Variants in PHF2 observed in about 807,000 individuals in gnomAD.
PHF2 encodes PHD finger protein 2.
Under a neutral mutation model 120.5 loss-of-function variants are expected in PHF2, and 27 were observed. The ratio of observed to expected loss-of-function variants is 0.22; its 90% CI spans 0.17 to 0.31. The LOEUF (loss-of-function observed/expected upper bound fraction) is 0.31, where lower values mean the gene tolerates loss of function less well. Ranked by LOEUF, PHF2 falls within the 10% of genes least tolerant of loss-of-function variation. PHF2 has a pLI of 1.00. For missense variants in PHF2, 1,024 were observed against 1,434.8 expected, an observed-to-expected ratio of 0.71 and a Z score of 4.63; for synonymous variants, 568 against 592.5, an observed-to-expected ratio of 0.96 and a Z score of 0.60.
At chr9:93,662,043 G>GTGAGTGGATGGA (rs552196387) in intron 12 of PHF2, among the ~76,000 whole-genome samples, 4 of 151,198 alleles carry the variant, frequency 2.6e-5, no homozygotes, top group African/African-American at 9.7e-5. Flanking sequence ...TCAACAAATG[G>GTGAGTGGATGGA]TGAGTGGATG....
chr9:93,639,932 A>G (rs932645731), intron 3 of PHF2, among the ~76,000 whole-genome samples: 4 of 152,220 alleles, frequency 2.6e-5, no homozygotes, highest in South Asian at 4.1e-4. Flanking sequence ...TCTTGGTCCA[A>G]ATATCACAGA....
intron 2 of PHF2, among the ~76,000 whole-genome samples, chr9:93,631,566 G>A (rs1826002380): frequency 6.6e-6 from 1 of 152,208 alleles, no homozygotes; most frequent in Admixed American, 6.5e-5. Flanking sequence ...GGGTAGGAAG[G>A]TTCAGCCCAG....
intron 1 of PHF2, among the ~76,000 whole-genome samples, chr9:93,629,655 C>A (rs1196961556): frequency 3.9e-5 from 6 of 152,192 alleles, no homozygotes; most frequent in African/African-American, 1.4e-4. Flanking sequence ...TCCTTCCCTG[C>A]CCCCTGGGTG....
At position 93,678,416 on chromosome 9, in the gene PHF2, A is replaced by G. The variant is rs1382177608; in HGVS notation, c.*740A>G. The stretch of plus-strand genomic sequence containing the variant: ...GGGTCTGGGAGGCCCAGGCTAAGCC[A>G]TGTGGCAGGGACCGTCTTGCCCTGC... On this transcript the variant is annotated 3_prime_UTR_variant, in exon 22 of 22. Coordinates refer to ENST00000359246, the MANE Select transcript of PHF2 (RefSeq NM_005392.4). 1 of 152,614 alleles carries G rather than the reference A, an allele frequency of 6.6e-6. No individual in the cohort carries two copies. The highest frequency in any genetic ancestry group is 1.5e-5 in the Non-Finnish European group (1 of 68,086). 9.5% of individuals were successfully genotyped at this position (152,614 alleles called of 1,614,324 possible). A position where few individuals can be genotyped will look rare whatever the true frequency, so the allele number is the denominator to read the frequency against.
intron 1 of PHF2, among the ~76,000 whole-genome samples, chr9:93,593,105 A>AAAAAAAAAAAAAAAAAAAAAAAGG (rs1554790887): frequency 1.6e-5 from 2 of 122,716 alleles, no homozygotes; most frequent in African/African-American, 3.3e-5. Context: ...AAAAAAAAAA[A>AAAAAAAAAAAAAAAAAAAAAAAGG]AAAAAAGAAA....
In PHF2 at chr9:93,625,334, A is replaced by G. The variant is rs185440685; in HGVS notation, c.99-4636A>G. On this transcript the variant is annotated intron_variant, in intron 1 of 21. Coordinates refer to ENST00000359246, the MANE Select transcript of PHF2 (RefSeq NM_005392.4). ...CCTCATTCCTTTTTAAGGCTGAATA[A>G]TATTCCATTGTATATACAGACTACA... Among the ~76,000 whole-genome samples, 290 of 152,342 alleles carry G rather than the reference A, an allele frequency of 1.9e-3. 2 individuals carry two copies. The highest frequency in any genetic ancestry group is 6.6e-3 in the African/African-American group (275 of 41,576).
chr9:93,644,449 G>A (rs1008739548), intron 3 of PHF2, among the ~76,000 whole-genome samples: 4 of 151,572 alleles, frequency 2.6e-5, no homozygotes, highest in South Asian at 2.1e-4. Context: ...GAATTCTGGC[G>A]GCTCCCAGTG....
chr9:93,646,571 C>T (rs777926998), intron 4 of PHF2, among the ~76,000 whole-genome samples: 6 of 152,204 alleles, frequency 3.9e-5, no homozygotes, highest in Non-Finnish European at 8.8e-5. Context: ...GCTTCCGAGA[C>T]GACTGGCCCC....
chr9:93,644,061 A>G (rs549797236), intron 3 of PHF2, among the ~76,000 whole-genome samples: 1 of 151,988 alleles, frequency 6.6e-6, no homozygotes, highest in African/African-American at 2.4e-5. Context: ...GCAATGGACA[A>G]CCCGCAGACT....
chr9:93,590,262 C>T (rs1336769830), intron 1 of PHF2, among the ~76,000 whole-genome samples: 3 of 152,246 alleles, frequency 2.0e-5, no homozygotes, highest in African/African-American at 7.2e-5. Flanking sequence ...ATTGAGTTCA[C>T]TCACTTTTAA....
At chr9:93,587,601 G>A (rs1863079501) in intron 1 of PHF2, among the ~76,000 whole-genome samples, 1 of 57,116 alleles carries the variant, frequency 1.8e-5, no homozygotes, top group South Asian at 6.1e-4. Flanking sequence ...GGAGCCCCAG[G>A]TGAGGGATGG....
At position 93,678,007 on chromosome 9, in the gene PHF2, C is replaced by CTG; in HGVS notation, c.*332_*333dup. 3.7e-6 allele frequency: 1 copy of CTG among 272,044 alleles called. No homozygotes were observed. Among genetic ancestry groups the CTG allele is most frequent in the Non-Finnish European group, 7.0e-6 (1 of 143,154 alleles). The allele number at this position is 272,044 out of a possible 1,614,324, so 16.9% of individuals were successfully genotyped here. On this transcript the variant is annotated 3_prime_UTR_variant, in exon 22 of 22. Transcript: ENST00000359246. ...TGATTGCAGGGCCTCTGCAGCTCTG[C>CTG]TGAGAGCATGAGTCCTTCAAGGAAG... is the stretch of plus-strand genomic sequence containing the variant.
chr9:93,619,615 T>C (rs1202080088), intron 1 of PHF2, among the ~76,000 whole-genome samples: 2 of 151,676 alleles, frequency 1.3e-5, no homozygotes, highest in African/African-American at 2.4e-5. Context: ...GTGGCCTGTG[T>C]GCCATGCCTG....
rs79630334 is a variant in PHF2 at position 93,631,769 on chromosome 9, T to A, written c.184+1714T>A. 1.9e-3 allele frequency among the ~76,000 whole-genome samples: 292 copies of A among 150,526 alleles called. 1 individual carries two copies. The highest frequency in any genetic ancestry group is 3.3e-3 in the Non-Finnish European group (225 of 67,478). ...CAGGATACCCCAGGAGGTGCTTTCC[T>A]GGGGGGTAGGACCCTCTCAGGTCCT... On this transcript the variant is annotated intron_variant, in intron 2 of 21. Transcript: ENST00000359246.
At chr9:93,662,884 G>T in intron 12 of PHF2, 23 bp from the exon 13 acceptor site, 1 of 1,613,400 alleles carries the variant, frequency 6.2e-7, no homozygotes, top group Non-Finnish European at 8.5e-7. Flanking sequence ...CTGCCTCTGG[G>T]TCACAGCAGC....
intron 1 of PHF2, among the ~76,000 whole-genome samples, chr9:93,598,656 C>T (rs1226518239): frequency 1.3e-5 from 2 of 152,166 alleles, no homozygotes; most frequent in Non-Finnish European, 2.9e-5. Flanking sequence ...CCCTGGCAGG[C>T]CCCACTGAGG....
At chr9:93,609,722 A>G (rs1270373153) in intron 1 of PHF2, among the ~76,000 whole-genome samples, 2 of 151,572 alleles carry the variant, frequency 1.3e-5, no homozygotes, top group Non-Finnish European at 2.9e-5. Context: ...TTTTTTTTCG[A>G]GATGGAGTCT....
intron 1 of PHF2, among the ~76,000 whole-genome samples, chr9:93,600,820 A>C (rs1234005002): frequency 1.3e-5 from 2 of 152,150 alleles, no homozygotes; most frequent in African/African-American, 4.8e-5. Context: ...TTCAAAGTCT[A>C]ACCAGGCCTG....
In PHF2 at chr9:93,606,227, C is replaced by T. The variant is rs567117983; in HGVS notation, c.99-23743C>T. ...TCAAGCAATCCACCTGCCTCAGCTTCCCAAAGTGCTAGGATTACAGGCTGG... is the reference window on the plus strand; with the variant it reads ...TCAAGCAATCCACCTGCCTCAGCTTTCCAAAGTGCTAGGATTACAGGCTGG... On this transcript the variant is annotated intron_variant, in intron 1 of 21. Transcript: ENST00000359246. 5.2e-3 allele frequency among the ~76,000 whole-genome samples: 791 copies of T among 152,288 alleles called. 2 individuals carry two copies. Among genetic ancestry groups the T allele is most frequent in the Non-Finnish European group, 9.0e-3 (609 of 68,028 alleles).
Sources: gnomAD v4.1 joint callset for allele counts (sites outside exome capture counted in the v4.1 genomes callset) on GRCh38, gnomAD v4.1.1 for gene constraint, MANE v1.5 for transcripts, NCBI Gene and HGNC (gene_info 2026-07-23, HGNC 2026-07-21) for gene names.